Variants in MAF observed in about 807,000 individuals in gnomAD.
MAF encodes the protein MAF bZIP transcription factor, also known as transcription factor Maf.
MAF carries 10 observed loss-of-function variants against 22.0 expected under a neutral mutation model. The ratio of observed to expected loss-of-function variants is 0.45; its 90% CI spans 0.28 to 0.77. The LOEUF (loss-of-function observed/expected upper bound fraction) is 0.77, where lower values mean the gene tolerates loss of function less well. MAF is among the 30% of genes least tolerant of loss of function. The pLI, the probability that MAF is intolerant of heterozygous loss-of-function variation, is 0.12. For synonymous variants in MAF, 337 were observed against 255.8 expected (o/e 1.32, Z -3.03); for missense variants, 544 against 548.4 (o/e 0.99, Z 0.08).
the MAF span, among the ~76,000 whole-genome samples, chr16:79,427,364 G>A: frequency 2.0e-5 from 3 of 152,230 alleles, no homozygotes; most frequent in Admixed American, 6.5e-5. Context: ...CCAAACATAT[G>A]CTGCTACATC....
chr16:79,553,697 T>C, the MAF span, among the ~76,000 whole-genome samples: 5 of 152,214 alleles, frequency 3.3e-5, no homozygotes, highest in Non-Finnish European at 7.3e-5. Context: ...CTCTGTCTTC[T>C]TGAAAGGGCG....
chr16:79,214,803 C>T, the MAF span, among the ~76,000 whole-genome samples: 2 of 149,946 alleles, frequency 1.3e-5, no homozygotes, highest in African/African-American at 2.5e-5. Context: ...ACCTCCCTCC[C>T]CGGTTCAAGC....
At chr16:79,302,920 A>G in the MAF span, among the ~76,000 whole-genome samples, 3 of 152,254 alleles carry the variant, frequency 2.0e-5, no homozygotes, top group Non-Finnish European at 2.9e-5. Flanking sequence ...AAGTGGTACC[A>G]TTCGGCACTG....
At chr16:79,503,407 A>G in the MAF span, among the ~76,000 whole-genome samples, 1 of 152,364 alleles carries the variant, frequency 6.6e-6, no homozygotes, top group East Asian at 1.9e-4. Context: ...AAAAATTTTG[A>G]TAATTAAAAA....
chr16:79,235,126 G>C, the MAF span, among the ~76,000 whole-genome samples: 2 of 151,700 alleles, frequency 1.3e-5, no homozygotes, highest in African/African-American at 4.8e-5. Context: ...TTTTTGGGGT[G>C]GTTTGTTATG....
the MAF span, among the ~76,000 whole-genome samples, chr16:79,579,251 G>C: frequency 2.0e-5 from 3 of 152,140 alleles, no homozygotes; most frequent in African/African-American, 7.2e-5. Flanking sequence ...CAAATTAGAA[G>C]TTCATTAAAG....
chr16:79,438,032 G>A, the MAF span, among the ~76,000 whole-genome samples: 4 of 152,154 alleles, frequency 2.6e-5, no homozygotes, highest in Admixed American at 6.5e-5. Context: ...TCTGGGGCTG[G>A]AATGCCATCC....
the MAF span, among the ~76,000 whole-genome samples, chr16:79,285,460 G>A: frequency 5.3e-5 from 8 of 152,166 alleles, no homozygotes; most frequent in South Asian, 8.3e-4. Context: ...CAGTTTTTCC[G>A]AAAATTTGGT....
the MAF span, among the ~76,000 whole-genome samples, chr16:79,256,719 A>G: frequency 2.0e-5 from 3 of 152,178 alleles, no homozygotes; most frequent in African/African-American, 7.2e-5. Context: ...CCGGCACTCA[A>G]TTGGTACAAC....
chr16:79,597,896 C>A, intron 1 of MAF: 2 of 1,035,828 alleles, frequency 1.9e-6, no homozygotes, highest in Non-Finnish European at 2.3e-6. Flanking sequence ...CATAATAATG[C>A]ATGAGATGAG....
chr16:79,536,440 C>T, the MAF span, among the ~76,000 whole-genome samples: 2 of 152,158 alleles, frequency 1.3e-5, no homozygotes, highest in Non-Finnish European at 2.9e-5. Context: ...GTCAGGAGTT[C>T]AAGACCAGCC....
chr16:79,519,750 G>C, the MAF span, among the ~76,000 whole-genome samples: 1 of 152,242 alleles, frequency 6.6e-6, no homozygotes, highest in South Asian at 2.1e-4. Flanking sequence ...CCTAACTCAT[G>C]GGCCGGTGTG....
chr16:79,422,532 A>C, the MAF span, among the ~76,000 whole-genome samples: 208 of 152,186 alleles, frequency 1.4e-3, 1 homozygote, highest in African/African-American at 4.4e-3. Flanking sequence ...CTTTCTCTTC[A>C]TCTTTAAATT....
chr16:79,511,267 G>A, the MAF span, among the ~76,000 whole-genome samples: 2 of 151,864 alleles, frequency 1.3e-5, no homozygotes, highest in African/African-American at 2.4e-5. Flanking sequence ...AAAAGAAAAG[G>A]AAAGAAAAGA....
chr16:79,525,943 G>T, the MAF span, among the ~76,000 whole-genome samples: 5 of 152,088 alleles, frequency 3.3e-5, no homozygotes, highest in East Asian at 7.8e-4. Context: ...GAAGATTCTT[G>T]GAGACGTGAG....
the MAF span, among the ~76,000 whole-genome samples, chr16:79,424,474 A>G: frequency 1.3e-5 from 2 of 152,164 alleles, no homozygotes; most frequent in Admixed American, 1.3e-4. Context: ...CCCCTCCTTG[A>G]TTAAAAAAAT....
chr16:79,572,314 T>C, the MAF span, among the ~76,000 whole-genome samples: 4 of 152,204 alleles, frequency 2.6e-5, no homozygotes, highest in East Asian at 5.8e-4. Flanking sequence ...TTGATGTTAA[T>C]GGCAGGCACG....
the MAF span, among the ~76,000 whole-genome samples, chr16:79,540,288 C>A: frequency 6.6e-6 from 1 of 151,898 alleles, no homozygotes; most frequent in Admixed American, 6.6e-5. Flanking sequence ...CATCTCCAGA[C>A]ACATCGAGAT....
the MAF span, among the ~76,000 whole-genome samples, chr16:79,292,070 C>T: frequency 2.0e-5 from 3 of 152,026 alleles, no homozygotes; most frequent in Non-Finnish European, 2.9e-5. Context: ...ACATTCTCAT[C>T]CTTAAAAAGA....
Sources: gnomAD v4.1 joint callset for allele counts (sites outside exome capture counted in the v4.1 genomes callset) on GRCh38, gnomAD v4.1.1 for gene constraint, MANE v1.5 for transcripts, NCBI Gene and HGNC (gene_info 2026-07-23, HGNC 2026-07-21) for gene names.